GDPD4: variants seen among roughly 807,000 people sequenced by gnomAD.
GDPD4 encodes glycerophosphodiester phosphodiesterase 6.
GDPD4 carries 60 observed loss-of-function variants against 67.8 expected under a neutral mutation model. The observed-to-expected ratio is 0.88, with a 90% CI of 0.72 to 1.10. The LOEUF is 1.10. Ranked by LOEUF, GDPD4 falls within the 50% of genes least tolerant of loss-of-function variation. The pLI is 0.00. For synonymous variants in GDPD4, 212 were observed against 210.9 expected (o/e 1.00, Z -0.04); for missense variants, 623 against 613.9 (o/e 1.01, Z -0.16).
At chr11:77,237,838 G>T (rs12576053) in intron 13 of GDPD4, among the ~76,000 whole-genome samples, 1 of 152,034 alleles carries the variant, frequency 6.6e-6, no homozygotes, top group African/African-American at 2.4e-5. Context: ...AAGGCTGGGC[G>T]CAATGGCTCA....
At chr11:77,294,609 ATC>A (rs1937887602) in intron 1 of GDPD4, among the ~76,000 whole-genome samples, 1 of 152,184 alleles carries the variant, frequency 6.6e-6, no homozygotes, top group Admixed American at 6.5e-5. Flanking sequence ...TCCAATCAAA[ATC>A]TCTGAGGACT....
intron 1 of GDPD4, among the ~76,000 whole-genome samples, chr11:77,289,772 G>A (rs1196441839): frequency 2.3e-4 from 32 of 141,942 alleles, no homozygotes; most frequent in African/African-American, 7.4e-4. Flanking sequence ...GAAGGAGGGA[G>A]CGAGGGAGGG....
At chr11:77,239,397 G>A (rs2135838258) in intron 13 of GDPD4, among the ~76,000 whole-genome samples, 1 of 152,318 alleles carries the variant, frequency 6.6e-6, no homozygotes, top group Non-Finnish European at 1.5e-5. Context: ...AAGTCAGATT[G>A]TCTCTGCAGA....
chr11:77,221,994 T>G (rs1958235575), intron 16 of GDPD4, among the ~76,000 whole-genome samples: 1 of 152,204 alleles, frequency 6.6e-6, no homozygotes, highest in African/African-American at 2.4e-5. Flanking sequence ...TGGCCTTGTC[T>G]CTTTTGATCT....
chr11:77,225,895 CTTCCTTG>C (rs966650093), intron 16 of GDPD4, among the ~76,000 whole-genome samples: 42 of 152,170 alleles, frequency 2.8e-4, no homozygotes, highest in African/African-American at 9.9e-4. Context: ...TCTGTCTAGT[CTTCCTTG>C]TTCCTTCCCT....
At chr11:77,231,392 G>C (rs993076381) in intron 14 of GDPD4, among the ~76,000 whole-genome samples, 1 of 152,118 alleles carries the variant, frequency 6.6e-6, no homozygotes, top group Non-Finnish European at 1.5e-5. Flanking sequence ...ATGGAGCCAA[G>C]ATCTGAATCT....
chr11:77,281,286 T>C (rs1399751385), intron 3 of GDPD4, among the ~76,000 whole-genome samples: 3 of 152,142 alleles, frequency 2.0e-5, no homozygotes, highest in African/African-American at 7.2e-5. Context: ...CCAATACATA[T>C]TGCAATGTTT....
chr11:77,257,552 T>TACACACACACACACACACACACACACAC (rs71043563), intron 11 of GDPD4, among the ~76,000 whole-genome samples: 1 of 134,266 alleles, frequency 7.4e-6, no homozygotes, highest in Non-Finnish European at 1.6e-5. Flanking sequence ...CTCCCTCTCC[T>TACACACACACACACACACACACACACAC]ACACACACAC....
At chr11:77,254,559 T>A (rs966228636) in intron 11 of GDPD4, among the ~76,000 whole-genome samples, 6 of 152,244 alleles carry the variant, frequency 3.9e-5, no homozygotes, top group African/African-American at 1.4e-4. Flanking sequence ...GGTTCTGTCA[T>A]CCTGCCTGTT....
chr11:77,217,080 G>A lies in GDPD4; in HGVS notation c.*197C>T, dbSNP rs1214459682. 1.4e-6 allele frequency: 1 copy of A among 706,186 alleles called. No individual in the cohort carries two copies. The highest frequency in any genetic ancestry group is 2.0e-5 in the Admixed American group (1 of 50,034). 43.7% of individuals were successfully genotyped at this position (706,186 alleles called of 1,614,324 possible). ...AAGACCACGGTGGGCATCGGTGGTT[G>A]AATCTCATGCTTGCCAGGCTTCAAA... is the stretch of plus-strand genomic sequence containing the variant. On this transcript the variant is annotated 3_prime_UTR_variant, in exon 17 of 17. Coordinates refer to ENST00000315938, the MANE Select transcript of GDPD4 (RefSeq NM_182833.3).
chr11:77,248,051 CAAAAAAAAAAAAAA>C (rs34252021), intron 11 of GDPD4, among the ~76,000 whole-genome samples: 5 of 62,712 alleles, frequency 8.0e-5, no homozygotes, highest in African/African-American at 4.0e-4. Context: ...AACTCCGTCT[CAAAAAAAAAAAAAA>C]AAAAAAGAAA....
chr11:77,300,933 A>G (rs2135903367), intron 1 of GDPD4, among the ~76,000 whole-genome samples: 1 of 152,318 alleles, frequency 6.6e-6, no homozygotes, highest in Middle Eastern at 3.4e-3. Flanking sequence ...GGCAGACGTT[A>G]TGAACAAAAA....
chr11:77,289,803 A>T (rs1937704771), intron 1 of GDPD4, among the ~76,000 whole-genome samples: 1 of 95,334 alleles, frequency 1.0e-5, no homozygotes, highest in African/African-American at 3.8e-5. Flanking sequence ...GAGAGAGAGA[A>T]GGAGGGAGGG....
At chr11:77,271,435 G>C (rs1489629991) in intron 5 of GDPD4, 42 bp from the exon 6 acceptor site, 3 of 1,210,500 alleles carry the variant, frequency 2.5e-6, no homozygotes, top group Non-Finnish European at 3.7e-6. Flanking sequence ...CAAGCACTAG[G>C]CTTGGATCAG....
rs772435235 is a variant in GDPD4, at chr11:77,245,481, TCA to T, written c.884_885del (p.Met295LysfsTer8). 5 of 1,613,580 alleles carry T rather than the reference TCA, an allele frequency of 3.1e-6. No homozygotes were observed. Among genetic ancestry groups the T allele is most frequent in the Non-Finnish European group, 4.2e-6 (5 of 1,179,632 alleles). On this transcript the variant is annotated frameshift_variant, in exon 12 of 17. Coordinates refer to ENST00000315938, the MANE Select transcript of GDPD4 (RefSeq NM_182833.3). LOFTEE classifies it high-confidence loss of function. The stretch of plus-strand genomic sequence containing the variant: ...TCTTTATCTGCCTCTGATAGAGGTT[TCA>T]TATTGTAAAATGGCCTGAGCTAGAA... ...VKPELRPFYN[M>X]KPLSEADKER... is the part of the protein sequence containing the mutation.
rs572777781 is a variant in GDPD4, at chr11:77,243,579, A to G, written c.1241+115T>C. 3.4e-6 allele frequency: 3 copies of G among 893,294 alleles called. No individual in the cohort carries two copies. The South Asian group carries it at 4.3e-5, about 13-fold the overall frequency. The allele number at this position is 893,294 out of a possible 1,614,324, so 55.3% of individuals were successfully genotyped here. A position where few individuals can be genotyped will look rare whatever the true frequency, so the allele number is the denominator to read the frequency against. The stretch of plus-strand genomic sequence containing the variant: ...GAAAAAGAAAGGAGATTCAAAGGAG[A>G]TAACCACACACAGAAATTCCGAGAT... On this transcript the variant is annotated intron_variant, in intron 13 of 16. Coordinates refer to ENST00000315938, the MANE Select transcript of GDPD4 (RefSeq NM_182833.3).
chr11:77,235,177 G>C (rs1254783656), intron 13 of GDPD4, among the ~76,000 whole-genome samples: 1 of 151,872 alleles, frequency 6.6e-6, no homozygotes, highest in Non-Finnish European at 1.5e-5. Flanking sequence ...TTTGAGAAGT[G>C]TCTGTTCATA....
chr11:77,298,206 A>C (rs908922818), intron 1 of GDPD4, among the ~76,000 whole-genome samples: 10 of 152,178 alleles, frequency 6.6e-5, no homozygotes, highest in Non-Finnish European at 1.5e-4. Flanking sequence ...ATCATCTTTA[A>C]GTGACAGTAG....
chr11:77,229,943 T>C (rs1319265929), intron 14 of GDPD4, among the ~76,000 whole-genome samples: 3 of 152,224 alleles, frequency 2.0e-5, no homozygotes, highest in Non-Finnish European at 4.4e-5. Context: ...TTGATGCTAA[T>C]AGGGCTGGCA....
Sources: allele counts gnomAD v4.1 joint callset (sites outside exome capture counted in the v4.1 genomes callset), GRCh38; gene constraint gnomAD v4.1.1; transcripts MANE v1.5; gene names NCBI Gene and HGNC (gene_info 2026-07-23, HGNC 2026-07-21).